The following INPP4B variants were observed in gnomAD, a reference collection of about 807,000 sequenced individuals.
INPP4B encodes the protein inositol polyphosphate-4-phosphatase type II B.
In INPP4B, 55 loss-of-function variants were observed where a neutral mutation model predicts 122.5. The observed-to-expected ratio is 0.45, with a 90% CI of 0.36 to 0.56. The LOEUF (loss-of-function observed/expected upper bound fraction) is 0.56, where lower values mean the gene tolerates loss of function less well. INPP4B is among the 20% of genes least tolerant of loss of function. The pLI is 0.00. For synonymous variants in INPP4B, 403 were observed against 388.7 expected, an observed-to-expected ratio of 1.04 and a Z score of -0.43; for missense variants, 1,000 against 1,097.7, an observed-to-expected ratio of 0.91 and a Z score of 1.26.
rs143577147 is a variant in INPP4B at position 142,833,429 on chromosome 4, C to T, written c.-254+12780G>A. ...TAGTTTCTCATAAATACAGGTAAAG[C>T]TGTAATTGCATCCTAAATGATCTTT... On this transcript the variant is annotated intron_variant, in intron 1 of 25. Coordinates refer to ENST00000262992, the MANE Select transcript of INPP4B (RefSeq NM_001101669.3). Among the ~76,000 whole-genome samples, 266 of 151,972 alleles carry T rather than the reference C, an allele frequency of 1.8e-3. 2 individuals are homozygous for T. In the East Asian group the frequency reaches 0.018, roughly 10 times the overall value.
At position 142,369,399 on chromosome 4, in the gene INPP4B, C is replaced by A. The variant is rs115408923; in HGVS notation, c.372+33539G>T. The stretch of plus-strand genomic sequence containing the variant: ...AGGAGTTCAAGACCAGCTTGGGCAA[C>A]ATGATGATGAAACCTCATCTCCACA... On this transcript the variant is annotated intron_variant, in intron 7 of 25. Transcript: ENST00000262992. Among the ~76,000 whole-genome samples the A allele has an allele frequency of 8.7e-3, 1,318 of 151,628 alleles. 26 individuals carry two copies. The highest frequency in any genetic ancestry group is 0.029 in the African/African-American group (1,205 of 41,346).
intron 2 of INPP4B, among the ~76,000 whole-genome samples, chr4:142,550,226 GC>G (rs1422945932): frequency 2.0e-5 from 3 of 152,096 alleles, no homozygotes; most frequent in Non-Finnish European, 4.4e-5. Context: ...TATGTGGTGG[GC>G]ACAGGAGATT....
chr4:142,523,673 A>G (rs555104956), intron 2 of INPP4B, among the ~76,000 whole-genome samples: 3 of 151,938 alleles, frequency 2.0e-5, no homozygotes, highest in Admixed American at 1.3e-4. Context: ...TTTTATTATT[A>G]TACTTTAAGT....
At chr4:142,099,001 T>C (rs942029945) in intron 23 of INPP4B, among the ~76,000 whole-genome samples, 16 of 151,740 alleles carry the variant, frequency 1.1e-4, no homozygotes, top group Non-Finnish European at 5.9e-5. Flanking sequence ...AATCACAGAG[T>C]GTGGTGGCTG....
Position 142,509,333 on chromosome 4 carries a change from C to T in INPP4B, c.-190-46607G>A, listed in dbSNP as rs113906388. ...TATGGTGGTTTGCTGCACCCATCAA[C>T]CCGTCATCTACATAGGTATTTCTCC... On this transcript the variant is annotated intron_variant, in intron 2 of 25. Coordinates refer to ENST00000262992, the MANE Select transcript of INPP4B (RefSeq NM_001101669.3). Among the ~76,000 whole-genome samples, 13 of 152,250 alleles carry T rather than the reference C, an allele frequency of 8.5e-5. 1 individual carries two copies. Among genetic ancestry groups the T allele is most frequent in the Admixed American group, 8.5e-4 (13 of 15,284 alleles).
At chr4:142,284,874 G>A (rs141048984) in intron 9 of INPP4B, among the ~76,000 whole-genome samples, 1 of 152,252 alleles carries the variant, frequency 6.6e-6, no homozygotes, top group Non-Finnish European at 1.5e-5. Context: ...CACAGTTTTT[G>A]TTGTAATTTT....
At chr4:142,698,513 G>A (rs954587350) in intron 2 of INPP4B, among the ~76,000 whole-genome samples, 1 of 152,010 alleles carries the variant, frequency 6.6e-6, no homozygotes, top group Non-Finnish European at 1.5e-5. Context: ...TGGACTTTCT[G>A]CAGATCTCAA....
At chr4:142,244,874 A>T (rs144112435) in intron 11 of INPP4B, among the ~76,000 whole-genome samples, 5,238 of 152,188 alleles carry the variant, frequency 0.034, 290 homozygotes, top group African/African-American at 0.12. Context: ...ATTTCTCCAC[A>T]TCCTCTCCAG....
chr4:142,325,002 C>G (rs557109908), intron 7 of INPP4B, among the ~76,000 whole-genome samples: 5 of 152,302 alleles, frequency 3.3e-5, no homozygotes, highest in African/African-American at 1.2e-4. Flanking sequence ...TCAGAGTCAG[C>G]AAATACCCCT....
chr4:142,132,082 A>G (rs1801591165), intron 18 of INPP4B, among the ~76,000 whole-genome samples: 1 of 152,022 alleles, frequency 6.6e-6, no homozygotes, highest in South Asian at 2.1e-4. Flanking sequence ...AAGTTAAGTA[A>G]TTTTTCGATG....
chr4:142,243,076 T>C (rs1860307738), intron 11 of INPP4B, among the ~76,000 whole-genome samples: 1 of 152,054 alleles, frequency 6.6e-6, no homozygotes, highest in South Asian at 2.1e-4. Context: ...GAGGGGAAAA[T>C]GCAAGACGGA....
chr4:142,311,355 C>G (rs1286544883), intron 8 of INPP4B, among the ~76,000 whole-genome samples: 2 of 152,094 alleles, frequency 1.3e-5, no homozygotes, highest in Non-Finnish European at 2.9e-5. Context: ...TGAAATCTTA[C>G]CTGCCATTTT....
chr4:142,361,362 G>A (rs1242090365), intron 7 of INPP4B, among the ~76,000 whole-genome samples: 1 of 151,826 alleles, frequency 6.6e-6, no homozygotes, highest in Non-Finnish European at 1.5e-5. Context: ...CTGTGAAAAG[G>A]GCCTGGAATA....
At chr4:142,192,826 C>T (rs1440094577) in intron 15 of INPP4B, among the ~76,000 whole-genome samples, 1 of 152,192 alleles carries the variant, frequency 6.6e-6, no homozygotes, top group Non-Finnish European at 1.5e-5. Context: ...ATAGTTGACA[C>T]TAGAATATCA....
At chr4:142,108,890 C>T (rs1788572694) in intron 22 of INPP4B, among the ~76,000 whole-genome samples, 1 of 152,058 alleles carries the variant, frequency 6.6e-6, no homozygotes, top group Non-Finnish European at 1.5e-5. Flanking sequence ...TAAATGGCTT[C>T]CAATATGTAT....
At chr4:142,334,199 T>C (rs1220747665) in intron 7 of INPP4B, among the ~76,000 whole-genome samples, 1 of 152,212 alleles carries the variant, frequency 6.6e-6, no homozygotes, top group African/African-American at 2.4e-5. Context: ...TACTTTTCTT[T>C]GCCTGAATAA....
intron 21 of INPP4B, among the ~76,000 whole-genome samples, chr4:142,114,427 A>G (rs1004459790): frequency 7.9e-5 from 12 of 152,134 alleles, no homozygotes; most frequent in African/African-American, 2.7e-4. Context: ...CAGGTTTTCC[A>G]CATCCTCACC....
intron 2 of INPP4B, among the ~76,000 whole-genome samples, chr4:142,723,303 A>G (rs754312045): frequency 2.0e-5 from 3 of 152,136 alleles, no homozygotes; most frequent in Non-Finnish European, 4.4e-5. Context: ...ATATAATTAC[A>G]GTCATGAAAT....
rs985613965 is a variant in INPP4B, at chr4:142,264,247, T to C, written c.616-3683A>G. ...TAAGTCATTACTGTAAACATCCAGGTGATAGACAACATTGGTAGCAGTGAA... is the reference window on the plus strand; with the variant it reads ...TAAGTCATTACTGTAAACATCCAGGCGATAGACAACATTGGTAGCAGTGAA... On this transcript the variant is annotated intron_variant, in intron 10 of 25. Transcript: ENST00000262992. 3.9e-5 allele frequency among the ~76,000 whole-genome samples: 6 copies of C among 152,184 alleles called. No homozygotes were observed. In the South Asian group the frequency reaches 1.2e-3, roughly 32 times the overall value.
Sources: allele counts gnomAD v4.1 joint callset (sites outside exome capture counted in the v4.1 genomes callset), GRCh38; gene constraint gnomAD v4.1.1; transcripts MANE v1.5; gene names NCBI Gene and HGNC (gene_info 2026-07-23, HGNC 2026-07-21).